Variants in CTIF observed in about 807,000 individuals in gnomAD.
The protein encoded by CTIF is CBP80/20-dependent translation initiation factor.
Under a neutral mutation model 66.0 loss-of-function variants are expected in CTIF, and 21 were observed. The ratio of observed to expected loss-of-function variants is 0.32; its 90% CI spans 0.23 to 0.46. CTIF has a LOEUF of 0.46. Among genes scored for constraint, CTIF ranks in the 20% least tolerant of loss-of-function variants. The pLI is 1.00. For synonymous variants in CTIF, 345 were observed against 326.4 expected (o/e 1.06, Z -0.62); for missense variants, 739 against 812.7 (o/e 0.91, Z 1.10).
chr18:48,786,187 G>C (rs1203606852), intron 9 of CTIF, among the ~76,000 whole-genome samples: 2 of 152,172 alleles, frequency 1.3e-5, no homozygotes, highest in Non-Finnish European at 2.9e-5. Flanking sequence ...GGTGCCGGCG[G>C]AGCAGTCTGC....
At position 48,541,108 on chromosome 18, in the gene CTIF, C is replaced by T. The variant is rs1404436716; in HGVS notation, c.-29+1796C>T. On this transcript the variant is annotated intron_variant, in intron 1 of 11. Coordinates refer to ENST00000256413, the MANE Select transcript of CTIF (RefSeq NM_014772.3). ...CGCACCGAGGCGTTCTATGGGTGTGCGTGCCCGCGCTCGCCGCCGCTGCCT... is the reference window on the plus strand; with the variant it reads ...CGCACCGAGGCGTTCTATGGGTGTGTGTGCCCGCGCTCGCCGCCGCTGCCT... Among the ~76,000 whole-genome samples the T allele has an allele frequency of 2.0e-5, 3 of 152,142 alleles. No individual in the cohort carries two copies. The East Asian group carries it at 5.8e-4, about 30-fold the overall frequency.
chr18:48,791,302 C>T (rs1270387403), intron 9 of CTIF, among the ~76,000 whole-genome samples: 1 of 152,248 alleles, frequency 6.6e-6, no homozygotes, highest in South Asian at 2.1e-4. Flanking sequence ...AATGGAAGAC[C>T]TAAGGCTCCC....
At chr18:48,666,623 T>C (rs2091439574) in intron 5 of CTIF, among the ~76,000 whole-genome samples, 1 of 152,236 alleles carries the variant, frequency 6.6e-6, no homozygotes, top group African/African-American at 2.4e-5. Context: ...CACGCCTCTT[T>C]TTCATTGCCC....
chr18:48,754,986 G>A (rs1264470629), intron 7 of CTIF, among the ~76,000 whole-genome samples: 1 of 152,176 alleles, frequency 6.6e-6, no homozygotes, highest in Non-Finnish European at 1.5e-5. Flanking sequence ...TTCTTTTCTG[G>A]GGGTGGAGGA....
Position 48,847,169 on chromosome 18 carries a change from G to A in CTIF, c.1528-10419G>A, listed in dbSNP as rs1443333009. Among the ~76,000 whole-genome samples the A allele has an allele frequency of 2.6e-5, 4 of 152,060 alleles. No individual in the cohort carries two copies. The East Asian group carries it at 5.8e-4, about 22-fold the overall frequency. Reference sequence around the variant, plus strand: ...CTAAAAATACAAAAATTAGCTGGTCGTGGTGGTGCGTGCCTGTAGTCCCAG... The same window carrying A: ...CTAAAAATACAAAAATTAGCTGGTCATGGTGGTGCGTGCCTGTAGTCCCAG... On this transcript the variant is annotated intron_variant, in intron 10 of 11. Transcript: ENST00000256413.
chr18:48,852,312 C>G (rs1318036156), intron 10 of CTIF, among the ~76,000 whole-genome samples: 1 of 149,756 alleles, frequency 6.7e-6, no homozygotes, highest in Non-Finnish European at 1.5e-5. Context: ...CCCATTTTCC[C>G]TGCTGAGTAA....
At chr18:48,582,025 G>A (rs919123649) in intron 1 of CTIF, among the ~76,000 whole-genome samples, 1 of 152,100 alleles carries the variant, frequency 6.6e-6, no homozygotes, top group East Asian at 1.9e-4. Flanking sequence ...CAGGGAGGAT[G>A]TCACTGTATT....
chr18:48,611,837 A>G lies in CTIF; in HGVS notation c.-28-7701A>G, dbSNP rs1366985292. Among the ~76,000 whole-genome samples, 8 of 152,144 alleles carry G rather than the reference A, an allele frequency of 5.3e-5. No homozygotes were observed. The South Asian group carries it at 1.2e-3, about 24-fold the overall frequency. Reference sequence around the variant, plus strand: ...TACATTTTTTAATGCTGAGATCGTGACCCAGGAAATTTGTTTTGCAGCTCA... The same window carrying G: ...TACATTTTTTAATGCTGAGATCGTGGCCCAGGAAATTTGTTTTGCAGCTCA... On this transcript the variant is annotated intron_variant, in intron 1 of 11. Coordinates refer to ENST00000256413, the MANE Select transcript of CTIF (RefSeq NM_014772.3).
intron 10 of CTIF, among the ~76,000 whole-genome samples, chr18:48,830,054 G>A (rs1002246744): frequency 1.3e-5 from 2 of 152,246 alleles, no homozygotes; most frequent in Non-Finnish European, 2.9e-5. Context: ...GCCTTCTCTT[G>A]TAGCCAGGAA....
intron 1 of CTIF, among the ~76,000 whole-genome samples, chr18:48,580,012 C>A (rs532154271): frequency 6.6e-6 from 1 of 152,354 alleles, no homozygotes; most frequent in South Asian, 2.1e-4. Flanking sequence ...GTACTCCATC[C>A]ATCCATCCGT....
chr18:48,801,673 T>A (rs76781833), intron 9 of CTIF, among the ~76,000 whole-genome samples: 5,973 of 152,332 alleles, frequency 0.039, 179 homozygotes, highest in South Asian at 0.081. Flanking sequence ...CATCTATTTT[T>A]AAAGCCAGTC....
intron 2 of CTIF, among the ~76,000 whole-genome samples, chr18:48,634,643 C>T (rs903065939): frequency 1.3e-5 from 2 of 152,196 alleles, no homozygotes; most frequent in African/African-American, 4.8e-5. Context: ...GGGAGAAATG[C>T]CCTCTTCCTG....
intron 7 of CTIF, among the ~76,000 whole-genome samples, chr18:48,752,581 C>A (rs574260317): frequency 6.6e-6 from 1 of 152,216 alleles, no homozygotes; most frequent in African/African-American, 2.4e-5. Context: ...TTTTCTCATC[C>A]GTCATGCTGT....
Position 48,711,707 on chromosome 18 carries a change from T to G in CTIF, c.584+12T>G, listed in dbSNP as rs16949844. On this transcript the variant is annotated intron_variant, in intron 7 of 11. Transcript: ENST00000256413. ...AGAAATGATCGAAGGTAGGAGAGAC[T>G]TCGTCGTGAGCTTTGGGTTTTCCTT... The G allele has an allele frequency of 6.2e-7, 1 of 1,611,574 alleles. No individual in the cohort carries two copies. The highest frequency in any genetic ancestry group is 1.3e-5 in the African/African-American group (1 of 74,976).
rs191826836 is a variant in CTIF, at chr18:48,798,032, G to A, written c.1372-19189G>A. Among the ~76,000 whole-genome samples, 10 of 152,256 alleles carry A rather than the reference G, an allele frequency of 6.6e-5. No individual in the cohort carries two copies. In the East Asian group the frequency reaches 9.6e-4, roughly 15 times the overall value. On this transcript the variant is annotated intron_variant, in intron 9 of 11. Transcript: ENST00000256413. ...CACCTGGGTAGCACTTCCTCTGCCC[G>A]CGGCAGAGCCAGCGCCACCAGGGGC...
intron 5 of CTIF, among the ~76,000 whole-genome samples, chr18:48,669,706 T>A (rs2091490767): frequency 6.8e-6 from 1 of 146,840 alleles, no homozygotes; most frequent in Non-Finnish European, 1.5e-5. Context: ...GTGTGTATGT[T>A]TAAGATATAT....
chr18:48,557,619 A>G (rs1258534410), intron 1 of CTIF, among the ~76,000 whole-genome samples: 4 of 152,252 alleles, frequency 2.6e-5, no homozygotes, highest in African/African-American at 4.8e-5. Flanking sequence ...GTTAGTTTCT[A>G]TAGTCTCTGT....
At chr18:48,665,184 G>A (rs1481187080) in intron 5 of CTIF, among the ~76,000 whole-genome samples, 1 of 152,062 alleles carries the variant, frequency 6.6e-6, no homozygotes, top group African/African-American at 2.4e-5. Flanking sequence ...AAAGTGCTGG[G>A]ATTACAGGCA....
intron 6 of CTIF, among the ~76,000 whole-genome samples, chr18:48,695,846 G>A (rs903294569): frequency 2.6e-5 from 4 of 152,178 alleles, no homozygotes; most frequent in East Asian, 1.9e-4. Flanking sequence ...CGTATTTATC[G>A]GGCAGGACTG....
Sources: gnomAD v4.1 joint callset for allele counts (sites outside exome capture counted in the v4.1 genomes callset) on GRCh38, gnomAD v4.1.1 for gene constraint, MANE v1.5 for transcripts, NCBI Gene and HGNC (gene_info 2026-07-23, HGNC 2026-07-21) for gene names.